GRSF1: variants seen among roughly 807,000 people sequenced by gnomAD.
GRSF1 encodes the protein G-rich RNA sequence binding factor 1, also known as G-rich sequence factor 1.
A neutral mutation model predicts 51.1 loss-of-function variants in GRSF1; 50 were observed. That is an observed-to-expected ratio of 0.98 (90% CI 0.78 to 1.24). The LOEUF (loss-of-function observed/expected upper bound fraction) is 1.24. Among genes scored for constraint, GRSF1 ranks in the 50% most tolerant of loss-of-function variants. The pLI, the probability that GRSF1 is intolerant of heterozygous loss-of-function variation, is 0.00. For missense variants in GRSF1, 700 were observed against 639.7 expected (o/e 1.09, Z -1.02); for synonymous variants, 293 against 253.3 (o/e 1.16, Z -1.49).
chr4:70,831,589 T>C lies in GRSF1; in HGVS notation c.900A>G (p.Pro300=), dbSNP rs1049150383. 1.2e-6 allele frequency: 2 copies of C among 1,613,890 alleles called. No homozygotes were observed. Among genetic ancestry groups the C allele is most frequent in the Non-Finnish European group, 8.5e-7 (1 of 1,179,788 alleles). The change falls in exon 5 of 10, where the codon CCA becomes CCG. Residue 300 remains proline (P), a synonymous_variant. Coordinates refer to ENST00000254799, the MANE Select transcript of GRSF1 (RefSeq NM_002092.4). ...TGEAYVQFEE[P]EMANQALLKH... Reference sequence around the variant, plus strand: ...TCAACAGGGCTTGGTTGGCCATTTCTGGTTCTTCAAATTGCACATAGGCTT... The same window carrying C: ...TCAACAGGGCTTGGTTGGCCATTTCCGGTTCTTCAAATTGCACATAGGCTT...
Position 70,817,172 on chromosome 4 carries a change from T to A in GRSF1, c.*3715A>T, listed in dbSNP as rs1733346515. On this transcript the variant is annotated 3_prime_UTR_variant, in exon 10 of 10. Coordinates refer to ENST00000254799, the MANE Select transcript of GRSF1 (RefSeq NM_002092.4). The stretch of plus-strand genomic sequence containing the variant: ...TACCGTTTGTATCTCTTCAAGTTTA[T>A]TTCCTTCAAAAAATAAAATATAAAC... The A allele has an allele frequency of 6.6e-6, 1 of 151,978 alleles. No individual in the cohort carries two copies. Among genetic ancestry groups the A allele is most frequent in the Non-Finnish European group, 1.5e-5 (1 of 68,024 alleles). 9.4% of individuals were successfully genotyped at this position (151,978 alleles called of 1,614,324 possible).
chr4:70,834,927 T>C (rs1451298168), intron 2 of GRSF1, among the ~76,000 whole-genome samples: 3 of 151,842 alleles, frequency 2.0e-5, no homozygotes, highest in Non-Finnish European at 2.9e-5. Flanking sequence ...TTGGACCCGA[T>C]AGGTATTTTT....
At position 70,825,391 on chromosome 4, in the gene GRSF1, T is replaced by C. The variant is rs1158585085; in HGVS notation, c.1298A>G (p.Tyr433Cys). Residue 433 changes from tyrosine (Y) to cysteine (C), a missense_variant, in exon 8 of 10, where the codon TAC becomes TGC. By Grantham distance (194) the Tyr-to-Cys change is radical. Transcript: ENST00000254799. ...PLKPVRITME[Y>C]SSSGKATGEA... Reference sequence around the variant, plus strand: ...TCCAGTGGCCTTCCCACTGGAGCTGTATTCCATGGTGATTCTAACAGGCTT... The same window carrying C: ...TCCAGTGGCCTTCCCACTGGAGCTGCATTCCATGGTGATTCTAACAGGCTT... The C allele has an allele frequency of 1.9e-6, 3 of 1,611,702 alleles. No individual in the cohort carries two copies. Among genetic ancestry groups the C allele is most frequent in the Non-Finnish European group, 2.5e-6 (3 of 1,178,560 alleles).
At chr4:70,825,736 A>T in intron 7 of GRSF1, 1 of 292,410 alleles carries the variant, frequency 3.4e-6, no homozygotes, top group Non-Finnish European at 6.3e-6. Context: ...GATCAAAACC[A>T]GCCTGGCCAA....
intron 1 of GRSF1, among the ~76,000 whole-genome samples, chr4:70,837,997 A>C (rs186655115): frequency 3.3e-5 from 5 of 151,648 alleles, no homozygotes; most frequent in East Asian, 4.0e-4. Context: ...TTTGGGAGGC[A>C]GAGGCGGGCG....
chr4:70,830,518 T>C (rs1490441728), intron 5 of GRSF1, among the ~76,000 whole-genome samples: 1 of 151,436 alleles, frequency 6.6e-6, no homozygotes, highest in Non-Finnish European at 1.5e-5. Flanking sequence ...GTGTAGACCT[T>C]ATCTGGATTC....
chr4:70,820,057 C>T lies in GRSF1; in HGVS notation c.*830G>A, dbSNP rs1330678695. The T allele has an allele frequency of 6.6e-6, 1 of 152,160 alleles. No individual in the cohort carries two copies. The highest frequency in any genetic ancestry group is 1.5e-5 in the Non-Finnish European group (1 of 68,012). 9.4% of individuals were successfully genotyped at this position (152,160 alleles called of 1,614,324 possible). A position where few individuals can be genotyped will look rare whatever the true frequency, so the allele number is the denominator to read the frequency against. On this transcript the variant is annotated 3_prime_UTR_variant, in exon 10 of 10. Transcript: ENST00000254799. ...AGAGCTGGTTTAAATTCAAGTGAAGCCATTAATTTTCTTACCAGTCTGGAC... is the reference window on the plus strand; with the variant it reads ...AGAGCTGGTTTAAATTCAAGTGAAGTCATTAATTTTCTTACCAGTCTGGAC...
At chr4:70,839,168 G>A (rs1262710174) in intron 1 of GRSF1, 2 of 1,354,850 alleles carry the variant, frequency 1.5e-6, no homozygotes, top group South Asian at 1.2e-5. Flanking sequence ...GCAGCCTCAC[G>A]AAACCTACCA....
chr4:70,822,378 T>C (rs1578292081), intron 9 of GRSF1, among the ~76,000 whole-genome samples: 1 of 151,244 alleles, frequency 6.6e-6, no homozygotes, highest in African/African-American at 2.4e-5. Flanking sequence ...ATGTCGGGAG[T>C]TTGAGACCAG....
At chr4:70,825,620 A>T (rs1284360317) in intron 7 of GRSF1, 189 bp from the exon 8 acceptor site, 1 of 407,472 alleles carries the variant, frequency 2.5e-6, no homozygotes, top group Non-Finnish European at 4.3e-6. Context: ...TTTTCTCAGA[A>T]CTCAAAGTGA....
intron 2 of GRSF1, among the ~76,000 whole-genome samples, chr4:70,834,185 G>C (rs1466965706): frequency 2.0e-5 from 3 of 152,118 alleles, no homozygotes; most frequent in Non-Finnish European, 4.4e-5. Flanking sequence ...CTTGAACCCG[G>C]GAGGTGGAGG....
chr4:70,838,666 G>A (rs1053188717), intron 1 of GRSF1, among the ~76,000 whole-genome samples: 1 of 152,090 alleles, frequency 6.6e-6, no homozygotes, highest in Non-Finnish European at 1.5e-5. Flanking sequence ...CATCTACAAA[G>A]CACAAAATAT....
chr4:70,825,470 G>C (rs938798935), intron 7 of GRSF1, 39 bp from the exon 8 acceptor site: 1 of 1,556,660 alleles, frequency 6.4e-7, no homozygotes, highest in African/African-American at 1.4e-5. Flanking sequence ...GAACATGATG[G>C]ATGTAAACCT....
rs532657086 is a variant in GRSF1 at position 70,825,237 on chromosome 4, A to G, written c.1393+59T>C. ...TTCTACAATCCCAAAACAGAAAAAGATATTTGTAAGCAAAGACAAGCATCA... is the reference window on the plus strand; with the variant it reads ...TTCTACAATCCCAAAACAGAAAAAGGTATTTGTAAGCAAAGACAAGCATCA... On this transcript the variant is annotated intron_variant, in intron 8 of 9. Transcript: ENST00000254799. 9.9e-6 allele frequency: 14 copies of G among 1,418,552 alleles called. No individual in the cohort carries two copies. The East Asian group carries it at 1.8e-4, about 19-fold the overall frequency. The allele number at this position is 1,418,552 out of a possible 1,614,324, so 87.9% of individuals were successfully genotyped here. A position where few individuals can be genotyped will look rare whatever the true frequency, so the allele number is the denominator to read the frequency against.
intron 1 of GRSF1, chr4:70,838,897 A>G: frequency 3.0e-6 from 1 of 332,360 alleles, no homozygotes; most frequent in Non-Finnish European, 5.8e-6. Flanking sequence ...TGCAGAGGTG[A>G]CCTTCAGTAA....
chr4:70,824,093 C>T (rs1374753644), intron 9 of GRSF1, among the ~76,000 whole-genome samples: 1 of 150,506 alleles, frequency 6.6e-6, no homozygotes, highest in Non-Finnish European at 1.5e-5. Flanking sequence ...GCTTCAGCCT[C>T]CTGAGTAGCT....
At chr4:70,828,345 A>C (rs1031358734) in intron 5 of GRSF1, among the ~76,000 whole-genome samples, 1 of 152,192 alleles carries the variant, frequency 6.6e-6, no homozygotes, top group East Asian at 1.9e-4. Flanking sequence ...ATACAGAAAA[A>C]ATTAATCTCA....
intron 5 of GRSF1, 82 bp downstream of exon 5, chr4:70,831,457 A>C: frequency 8.1e-7 from 1 of 1,239,318 alleles, no homozygotes; most frequent in Middle Eastern, 1.9e-4. Flanking sequence ...TGTTTGGATA[A>C]CTTTTCAGTC....
At chr4:70,826,769 G>A (rs950350150) in intron 6 of GRSF1, among the ~76,000 whole-genome samples, 1 of 152,122 alleles carries the variant, frequency 6.6e-6, no homozygotes, top group Non-Finnish European at 1.5e-5. Flanking sequence ...AACTGCCTGA[G>A]CCCAGGAGTT....
Sources: gnomAD v4.1 joint callset for allele counts (sites outside exome capture counted in the v4.1 genomes callset) on GRCh38, gnomAD v4.1.1 for gene constraint, MANE v1.5 for transcripts, NCBI Gene and HGNC (gene_info 2026-07-23, HGNC 2026-07-21) for gene names.